The following STIP1 variants were observed in gnomAD, a reference collection of about 807,000 sequenced individuals.
STIP1 encodes stress induced phosphoprotein 1, also known as stress-induced-phosphoprotein 1.
Under a neutral mutation model 77.4 loss-of-function variants are expected in STIP1, and 16 were observed. The ratio of observed to expected loss-of-function variants is 0.21; its 90% confidence interval spans 0.14 to 0.31. The LOEUF (loss-of-function observed/expected upper bound fraction) is 0.31, where lower values mean the gene tolerates loss of function less well. STIP1 is among the 10% of genes least tolerant of loss of function. STIP1 has a pLI of 1.00. For missense variants in STIP1, 524 were observed against 684.8 expected (o/e 0.77, Z 2.62); for synonymous variants, 258 against 246.6 (o/e 1.05, Z -0.44).
chr11:64,193,404 T>C, intron 2 of STIP1, 117 bp downstream of exon 2: 4 of 863,946 alleles, frequency 4.6e-6, no homozygotes, highest in Non-Finnish European at 7.4e-6. Context: ...CCTCCCTGTT[T>C]GAGTATCCTC....
In STIP1 at chr11:64,186,215, CGGA is replaced by C; in HGVS notation, c.-45_-43del. The C allele has an allele frequency of 6.5e-7, 1 of 1,550,182 alleles. No individual in the cohort carries two copies. The highest frequency in any genetic ancestry group is 8.7e-7 in the Non-Finnish European group (1 of 1,146,690). On this transcript the variant is annotated 5_prime_UTR_variant, in exon 1 of 14. Coordinates refer to ENST00000305218, the MANE Select transcript of STIP1 (RefSeq NM_006819.3). ...AAGGCGGCGCGTGCGGTTGGGAACGCGGAGCGGACGGATTCGATTCAACGGGGT... is the reference window on the plus strand; with the variant it reads ...AAGGCGGCGCGTGCGGTTGGGAACGCGCGGACGGATTCGATTCAACGGGGT...
intron 13 of STIP1, 51 bp downstream of exon 13, chr11:64,203,673 G>A: frequency 1.9e-6 from 3 of 1,610,392 alleles, no homozygotes; most frequent in Non-Finnish European, 2.5e-6. Flanking sequence ...ACAAAAGCAG[G>A]CAGATGAGTG....
At position 64,203,236 on chromosome 11, in the gene STIP1, T is replaced by G. The variant is rs1946240553; in HGVS notation, c.1386+8T>G. 6.2e-7 allele frequency: 1 copy of G among 1,613,508 alleles called. No homozygotes were observed. The highest frequency in any genetic ancestry group is 1.7e-5 in the Admixed American group (1 of 60,012). On this transcript the variant is annotated splice_region_variant and intron_variant, in intron 12 of 13. Coordinates refer to ENST00000305218, the MANE Select transcript of STIP1 (RefSeq NM_006819.3). ...CTGGACTCCAGCTGTAAGGTGGGGC[T>G]GCTTCTGGCCTCCAGGGGCCCCCCC...
chr11:64,187,368 C>T (rs1178877336), intron 1 of STIP1, among the ~76,000 whole-genome samples: 1 of 151,186 alleles, frequency 6.6e-6, no homozygotes, highest in African/African-American at 2.4e-5. Context: ...GCCCATAACA[C>T]TTGGGGGTGA....
chr11:64,185,470 G>C (rs974492309), upstream of STIP1: 2 of 300,154 alleles, frequency 6.7e-6, no homozygotes, highest in Admixed American at 4.8e-5. Context: ...CAGGAGGGCC[G>C]GGCCGAGGCC....
At chr11:64,194,689 A>G (rs915088087) in intron 4 of STIP1, 69 bp downstream of exon 4, 14 of 1,570,566 alleles carry the variant, frequency 8.9e-6, no homozygotes, top group Non-Finnish European at 1.2e-5. Flanking sequence ...GTAACCTCAC[A>G]GCAGAGGGTT....
chr11:64,202,625 T>A, intron 10 of STIP1: 2 of 546,546 alleles, frequency 3.7e-6, no homozygotes, highest in Non-Finnish European at 6.6e-6. Context: ...TGTCTAGTTG[T>A]CATGTACTCT....
At chr11:64,198,238 G>A (rs1437041933) in intron 8 of STIP1, among the ~76,000 whole-genome samples, 1 of 150,482 alleles carries the variant, frequency 6.6e-6, no homozygotes, top group Admixed American at 6.6e-5. Context: ...TTTTTGAGAT[G>A]GAGTCTGTTT....
chr11:64,199,928 TA>T lies in STIP1; in HGVS notation c.1024-11del. ...GCGTTTAAATTATTATTTCAAGAAT[TA>T]TGTTTTGTAGGCAGAGAAAATCCTG... is the stretch of plus-strand genomic sequence containing the variant. On this transcript the variant is annotated splice_polypyrimidine_tract_variant and intron_variant, in intron 8 of 13. Coordinates refer to ENST00000305218, the MANE Select transcript of STIP1 (RefSeq NM_006819.3). The T allele has an allele frequency of 6.2e-7, 1 of 1,613,908 alleles. No individual in the cohort carries two copies. The highest frequency in any genetic ancestry group is 8.5e-7 in the Non-Finnish European group (1 of 1,179,944).
In STIP1 at chr11:64,203,138, A is replaced by G; in HGVS notation, c.1296A>G (p.Thr432=). 1.2e-6 allele frequency: 2 copies of G among 1,614,190 alleles called. No homozygotes were observed. The highest frequency in any genetic ancestry group is 1.7e-6 in the Non-Finnish European group (2 of 1,180,036). Reference sequence around the variant, plus strand: ...TCCTGTTTGTAGTCAAGGGTTATACACGGAAAGCCGCTGCGCTGGAAGCGA... The same window carrying G: ...TCCTGTTTGTAGTCAAGGGTTATACGCGGAAAGCCGCTGCGCTGGAAGCGA... ...QLEPTFIKGY[T]RKAAALEAMK... Residue 432 remains threonine (T), a synonymous_variant, in exon 12 of 14, where the codon ACA becomes ACG. Coordinates refer to ENST00000305218, the MANE Select transcript of STIP1 (RefSeq NM_006819.3).
intron 8 of STIP1, among the ~76,000 whole-genome samples, chr11:64,198,626 C>T (rs977535127): frequency 7.2e-5 from 11 of 152,224 alleles, no homozygotes; most frequent in South Asian, 4.2e-4. Context: ...GAATTATAGG[C>T]GTAAGCCACT....
At chr11:64,187,098 G>T (rs1946031362) in intron 1 of STIP1, among the ~76,000 whole-genome samples, 1 of 152,216 alleles carries the variant, frequency 6.6e-6, no homozygotes, top group Non-Finnish European at 1.5e-5. Context: ...AATTTACAGA[G>T]ATCAACCGCT....
intron 13 of STIP1, 143 bp from the exon 14 acceptor site, chr11:64,203,911 C>T: frequency 2.0e-6 from 2 of 996,564 alleles, no homozygotes; most frequent in East Asian, 2.4e-5. Context: ...TGGAGCAGGC[C>T]TCTGCAGCTC....
intron 1 of STIP1, among the ~76,000 whole-genome samples, chr11:64,188,144 C>A (rs1946047980): frequency 6.6e-6 from 1 of 151,434 alleles, no homozygotes; most frequent in Non-Finnish European, 1.5e-5. Flanking sequence ...GTCAGGAGTT[C>A]TACACCAGCC....
At chr11:64,195,471 C>T (rs558399181) in intron 4 of STIP1, among the ~76,000 whole-genome samples, 174 bp from the exon 5 acceptor site, 24 of 152,246 alleles carry the variant, frequency 1.6e-4, no homozygotes, top group African/African-American at 5.5e-4. Context: ...AGTGTTTTGA[C>T]GGTTTGAGTA....
intron 2 of STIP1, 179 bp downstream of exon 2, chr11:64,193,466 A>G (rs1322437335): frequency 3.2e-6 from 2 of 629,300 alleles, no homozygotes; most frequent in African/African-American, 1.8e-5. Context: ...GTTGTAATAC[A>G]GGCTTTATTT....
At chr11:64,198,753 G>GTTTTTTTTTTTTTTTTTTTTTTTTT (rs371481270) in intron 8 of STIP1, among the ~76,000 whole-genome samples, 1 of 111,060 alleles carries the variant, frequency 9.0e-6, no homozygotes, top group Non-Finnish European at 1.8e-5. Flanking sequence ...TTTTTTTGTG[G>GTTTTTTTTTTTTTTTTTTTTTTTTT]TTTTTTTTTT....
At position 64,195,861 on chromosome 11, in the gene STIP1, A is replaced by C. The variant is rs754487098; in HGVS notation, c.672+48A>C. On this transcript the variant is annotated intron_variant, in intron 5 of 13. Transcript: ENST00000305218. ...CTGTCACCTATCTATAAACAACTAG[A>C]AATCTTTATGTTGAATGGGGACATC... 1.1e-5 allele frequency: 18 copies of C among 1,611,114 alleles called. No individual in the cohort carries two copies. The South Asian group carries it at 2.0e-4, about 18-fold the overall frequency.
At chr11:64,185,830 G>C (rs1946006037), upstream of STIP1, 3 of 1,536,012 alleles carry the variant, frequency 2.0e-6, no homozygotes, top group East Asian at 2.4e-5. Flanking sequence ...CCGACATGGA[G>C]TCCGGCAGCC....
Sources: allele counts gnomAD v4.1 joint callset (sites outside exome capture counted in the v4.1 genomes callset), GRCh38; gene constraint gnomAD v4.1.1; transcripts MANE v1.5; gene names NCBI Gene and HGNC (gene_info 2026-07-23, HGNC 2026-07-21).